Variants in RNF217 observed in about 807,000 individuals in gnomAD.
RNF217 encodes the protein ring finger protein 217.
A neutral mutation model predicts 57.8 loss-of-function variants in RNF217; 31 were observed. The ratio of observed to expected loss-of-function variants is 0.54; its 90% confidence interval spans 0.40 to 0.72. The LOEUF (loss-of-function observed/expected upper bound fraction) is 0.72, where lower values mean the gene tolerates loss of function less well. Ranked by LOEUF, RNF217 falls within the 30% of genes least tolerant of loss-of-function variation. RNF217 has a pLI of 0.00. For missense variants in RNF217, 696 were observed against 708.3 expected (o/e 0.98, Z 0.20); for synonymous variants, 313 against 294.0 (o/e 1.06, Z -0.66).
intron 1 of RNF217, among the ~76,000 whole-genome samples, chr6:125,018,322 C>G (rs1785690691): frequency 6.6e-6 from 1 of 152,110 alleles, no homozygotes; most frequent in Non-Finnish European, 1.5e-5. Context: ...CCAGGGGGCA[C>G]TGGTATTGAG....
At chr6:124,983,530 T>C in intron 1 of RNF217, 1 of 973,862 alleles carries the variant, frequency 1.0e-6, no homozygotes, top group South Asian at 4.7e-5. Flanking sequence ...AGGTAGATAC[T>C]AAATACTGAA....
At chr6:125,033,582 T>A (rs1445293476) in intron 1 of RNF217, among the ~76,000 whole-genome samples, 1 of 150,988 alleles carries the variant, frequency 6.6e-6, no homozygotes, top group Non-Finnish European at 1.5e-5. Context: ...ATTTTCTTAA[T>A]CCAGTCTATC....
At chr6:125,067,607 A>G (rs112927716) in intron 3 of RNF217, among the ~76,000 whole-genome samples, 6,216 of 152,208 alleles carry the variant, frequency 0.041, 386 homozygotes, top group African/African-American at 0.14. Context: ...AATAATGGAG[A>G]CAGAGTTAGA....
Position 124,976,609 on chromosome 6 carries a change from C to G in RNF217, c.882+13183C>G, listed in dbSNP as rs140268831. On this transcript the variant is annotated intron_variant, in intron 1 of 5. Transcript: ENST00000521654. The stretch of plus-strand genomic sequence containing the variant: ...TAGATAGATTCTTCATAGTGATTCT[C>G]TTGCCTCAGCCTCCCGAGTAGCTGG... Among the ~76,000 whole-genome samples, 314 of 151,462 alleles carry G rather than the reference C, an allele frequency of 2.1e-3. 3 individuals carry two copies. The highest frequency in any genetic ancestry group is 7.3e-3 in the African/African-American group (301 of 41,264).
At chr6:125,005,299 GCTT>G (rs1327326654) in intron 1 of RNF217, among the ~76,000 whole-genome samples, 3 of 152,272 alleles carry the variant, frequency 2.0e-5, no homozygotes, top group East Asian at 1.9e-4. Flanking sequence ...AGTGCCTAAA[GCTT>G]CTTCACTCTG....
At position 124,979,531 on chromosome 6, in the gene RNF217, C is replaced by A. The variant is rs1472525231; in HGVS notation, c.882+16105C>A. Among the ~76,000 whole-genome samples the A allele has an allele frequency of 2.0e-5, 3 of 152,060 alleles. No individual in the cohort carries two copies. In the East Asian group the frequency reaches 5.8e-4, roughly 29 times the overall value. On this transcript the variant is annotated intron_variant, in intron 1 of 5. Transcript: ENST00000521654. ...GCGCAGAGCACCAAAGGCAGAAGGA[C>A]CTGAGCAAGTGTGCAAAGCCTGGGG... is the stretch of plus-strand genomic sequence containing the variant.
At chr6:124,977,499 T>G (rs556432913) in intron 1 of RNF217, among the ~76,000 whole-genome samples, 1 of 152,372 alleles carries the variant, frequency 6.6e-6, no homozygotes, top group South Asian at 2.1e-4. Context: ...CAGCAAAATG[T>G]TTTATATCAT....
chr6:125,078,649 C>T (rs911627455), intron 4 of RNF217, among the ~76,000 whole-genome samples: 1 of 152,172 alleles, frequency 6.6e-6, no homozygotes, highest in African/African-American at 2.4e-5. Flanking sequence ...GGGCTCTGCT[C>T]TCAAGATCTA....
At chr6:125,011,289 A>G (rs1042743022) in intron 1 of RNF217, among the ~76,000 whole-genome samples, 18 of 152,190 alleles carry the variant, frequency 1.2e-4, no homozygotes, top group Admixed American at 1.2e-3. Context: ...GGTAATAATA[A>G]TGGCCATCAT....
intron 1 of RNF217, among the ~76,000 whole-genome samples, chr6:125,008,128 C>T (rs1301714403): frequency 6.6e-6 from 1 of 151,814 alleles, no homozygotes; most frequent in Non-Finnish European, 1.5e-5. Flanking sequence ...TGGTGGCAGG[C>T]ACCTATAGTC....
intron 3 of RNF217, among the ~76,000 whole-genome samples, chr6:125,061,850 T>C (rs1010424334): frequency 1.3e-5 from 2 of 151,990 alleles, no homozygotes; most frequent in African/African-American, 2.4e-5. Context: ...TCAATTTTCT[T>C]TCTTTATTTG....
At chr6:125,034,305 G>C (rs1025002449) in intron 1 of RNF217, among the ~76,000 whole-genome samples, 24 of 152,124 alleles carry the variant, frequency 1.6e-4, no homozygotes, top group East Asian at 3.9e-4. Flanking sequence ...CCTAGGTTTT[G>C]TTCTAGGGTT....
At chr6:125,059,106 A>C (rs1787631842) in intron 3 of RNF217, among the ~76,000 whole-genome samples, 1 of 152,216 alleles carries the variant, frequency 6.6e-6, no homozygotes, top group Non-Finnish European at 1.5e-5. Flanking sequence ...CAGATTTACT[A>C]TACCAAATTC....
chr6:125,010,797 GCTGCTGTGCCTGGGTGTAGCA>G (rs1785386005), intron 1 of RNF217, among the ~76,000 whole-genome samples: 1 of 152,142 alleles, frequency 6.6e-6, no homozygotes. Flanking sequence ...TCTCCCTGAT[GCTGCTGTGCCTGGGTGTAGCA>G]GAGAGAGCTG....
chr6:125,081,099 G>T (rs1012941403), intron 4 of RNF217, among the ~76,000 whole-genome samples: 3 of 152,000 alleles, frequency 2.0e-5, no homozygotes, highest in African/African-American at 7.2e-5. Flanking sequence ...TTTTAGCATT[G>T]CGAACATTGA....
intron 1 of RNF217, among the ~76,000 whole-genome samples, chr6:124,972,704 G>T (rs766252266): frequency 1.4e-4 from 22 of 152,106 alleles, no homozygotes; most frequent in Middle Eastern, 3.4e-3. Context: ...TTTCCTTGCT[G>T]CCCTAACTCT....
At chr6:124,984,643 G>T (rs948433280) in intron 1 of RNF217, among the ~76,000 whole-genome samples, 2 of 151,724 alleles carry the variant, frequency 1.3e-5, no homozygotes, top group African/African-American at 4.8e-5. Context: ...AAAAAATTAG[G>T]TTTTTTTTAA....
chr6:124,967,550 C>T (rs377740641), intron 1 of RNF217, among the ~76,000 whole-genome samples: 3 of 152,118 alleles, frequency 2.0e-5, no homozygotes, highest in African/African-American at 4.8e-5. Context: ...TAGAGATTGG[C>T]AGATGCATAT....
chr6:124,977,065 C>G (rs1333479586), intron 1 of RNF217, among the ~76,000 whole-genome samples: 2 of 152,136 alleles, frequency 1.3e-5, no homozygotes, highest in Non-Finnish European at 2.9e-5. Flanking sequence ...ACTAGTATAT[C>G]TACAAACTAA....
Sources: allele counts gnomAD v4.1 joint callset (sites outside exome capture counted in the v4.1 genomes callset), GRCh38; gene constraint gnomAD v4.1.1; transcripts MANE v1.5; gene names NCBI Gene and HGNC (gene_info 2026-07-23, HGNC 2026-07-21).